Variants in TAOK1 observed in about 807,000 individuals in gnomAD.
TAOK1 encodes the protein TAO kinase 1.
A neutral mutation model predicts 138.3 loss-of-function variants in TAOK1; 21 were observed. That is an observed-to-expected ratio of 0.15 (90% CI 0.11 to 0.22). The LOEUF (loss-of-function observed/expected upper bound fraction) is 0.22, where lower values mean the gene tolerates loss of function less well. Among genes scored for constraint, TAOK1 ranks in the 10% least tolerant of loss-of-function variants. The pLI is 1.00. For missense variants in TAOK1, 651 were observed against 1,227.7 expected (o/e 0.53, Z 7.02); for synonymous variants, 361 against 398.4 (o/e 0.91, Z 1.12).
intron 17 of TAOK1, among the ~76,000 whole-genome samples, 171 bp from the exon 18 acceptor site, chr17:29,530,236 C>T (rs570254512): frequency 1.3e-5 from 2 of 152,262 alleles, no homozygotes; most frequent in East Asian, 1.9e-4. Flanking sequence ...ATTCAATCAG[C>T]AGTTTGGCCA....
At chr17:29,417,679 T>G (rs1480125613) in intron 1 of TAOK1, among the ~76,000 whole-genome samples, 3 of 152,204 alleles carry the variant, frequency 2.0e-5, no homozygotes, top group Non-Finnish European at 4.4e-5. Flanking sequence ...AGCCTTGCCT[T>G]CCTTGTATAT....
chr17:29,480,886 A>G (rs2031047427), intron 7 of TAOK1, among the ~76,000 whole-genome samples: 1 of 149,852 alleles, frequency 6.7e-6, no homozygotes, highest in Non-Finnish European at 1.5e-5. Flanking sequence ...AAAAAAAAAG[A>G]TTAAAATTTT....
chr17:29,460,641 C>T (rs764295345), intron 2 of TAOK1, among the ~76,000 whole-genome samples: 1 of 152,156 alleles, frequency 6.6e-6, no homozygotes, highest in African/African-American at 2.4e-5. Flanking sequence ...GGGCTTTATT[C>T]TGAAGTCTTC....
At chr17:29,453,079 C>T (rs960274697) in intron 2 of TAOK1, among the ~76,000 whole-genome samples, 1 of 151,418 alleles carries the variant, frequency 6.6e-6, no homozygotes, top group Non-Finnish European at 1.5e-5. Context: ...AGTCTTTGTT[C>T]TATGTCTATG....
chr17:29,529,432 A>G (rs913439330), intron 17 of TAOK1, among the ~76,000 whole-genome samples: 1 of 152,120 alleles, frequency 6.6e-6, no homozygotes, highest in African/African-American at 2.4e-5. Context: ...ACTAACAACA[A>G]CAACAAAAAT....
chr17:29,535,578 G>A (rs995315935), intron 19 of TAOK1, among the ~76,000 whole-genome samples: 1 of 152,066 alleles, frequency 6.6e-6, no homozygotes, highest in African/African-American at 2.4e-5. Context: ...TTTTAAACCA[G>A]GTGTTGTGGC....
chr17:29,398,873 T>C (rs955402576), intron 1 of TAOK1, among the ~76,000 whole-genome samples: 1 of 152,128 alleles, frequency 6.6e-6, no homozygotes, highest in African/African-American at 2.4e-5. Flanking sequence ...TTAAATAGGA[T>C]AATGCTTGCT....
chr17:29,462,114 C>G (rs567519427), intron 2 of TAOK1, among the ~76,000 whole-genome samples: 3 of 152,312 alleles, frequency 2.0e-5, no homozygotes, highest in African/African-American at 7.2e-5. Context: ...GAAGGACCCT[C>G]TGGTCAAATT....
intron 1 of TAOK1, among the ~76,000 whole-genome samples, chr17:29,433,988 C>T (rs1010367367): frequency 4.6e-5 from 7 of 152,094 alleles, no homozygotes; most frequent in South Asian, 2.1e-4. Context: ...GGTTGCATGA[C>T]CATTTGGAGT....
At chr17:29,502,474 T>C in intron 12 of TAOK1, 115 bp from the exon 13 acceptor site, 1 of 1,257,562 alleles carries the variant, frequency 8.0e-7, no homozygotes, top group Non-Finnish European at 1.1e-6. Context: ...GGCTTTGCTT[T>C]TTAAAATTAT....
At chr17:29,528,656 A>G (rs1392029609) in intron 17 of TAOK1, among the ~76,000 whole-genome samples, 3 of 151,874 alleles carry the variant, frequency 2.0e-5, no homozygotes, top group African/African-American at 7.3e-5. Flanking sequence ...CCTGGCTGAC[A>G]TGGTGAAACC....
At chr17:29,486,244 G>A (rs1010442351) in intron 8 of TAOK1, among the ~76,000 whole-genome samples, 8 of 152,118 alleles carry the variant, frequency 5.3e-5, no homozygotes, top group African/African-American at 9.7e-5. Flanking sequence ...AGCTAAGATC[G>A]CGCCACTGCA....
chr17:29,435,220 T>A (rs1454471424), intron 1 of TAOK1, among the ~76,000 whole-genome samples: 2 of 152,176 alleles, frequency 1.3e-5, no homozygotes, highest in Non-Finnish European at 2.9e-5. Context: ...GCTGGTTAGT[T>A]CACAGGAACA....
rs199560489 is a variant in TAOK1 at position 29,507,907 on chromosome 17, A to G, written c.1350A>G (p.Gln450=). Reference sequence around the variant, plus strand: ...ATTTGTATGTCTAGGTTACGAGGCAAATGCAAGAACATGAGCAGGACTCTG... The same window carrying G: ...ATTTGTATGTCTAGGTTACGAGGCAGATGCAAGAACATGAGCAGGACTCTG... ...TIRTASLVTR[Q]MQEHEQDSEL... is the part of the protein sequence containing the mutation. The change falls in exon 14 of 20, where the codon CAA becomes CAG. Residue 450 remains glutamine, a synonymous_variant. Coordinates refer to ENST00000261716, the MANE Select transcript of TAOK1 (RefSeq NM_020791.4). 9.9e-6 allele frequency: 16 copies of G among 1,613,422 alleles called. No homozygotes were observed. The highest frequency in any genetic ancestry group is 1.7e-4 in the Middle Eastern group (1 of 6,058).
chr17:29,443,645 G>A (rs1194624165), intron 1 of TAOK1, among the ~76,000 whole-genome samples: 1 of 152,076 alleles, frequency 6.6e-6, no homozygotes, highest in Non-Finnish European at 1.5e-5. Flanking sequence ...GTGATTGTTA[G>A]TTTCTTTTTA....
At chr17:29,444,234 A>G (rs1291469102) in intron 1 of TAOK1, among the ~76,000 whole-genome samples, 1 of 152,190 alleles carries the variant, frequency 6.6e-6, no homozygotes, top group Non-Finnish European at 1.5e-5. Flanking sequence ...ATTGCTGTGA[A>G]AGCTCCTTGC....
chr17:29,405,622 T>C (rs1048737039), intron 1 of TAOK1, among the ~76,000 whole-genome samples: 3 of 151,844 alleles, frequency 2.0e-5, no homozygotes, highest in African/African-American at 7.3e-5. Context: ...CTACTAAAAA[T>C]GCAAAAATTA....
intron 18 of TAOK1, among the ~76,000 whole-genome samples, chr17:29,532,181 A>G (rs575558562): frequency 6.6e-6 from 1 of 152,232 alleles, no homozygotes; most frequent in East Asian, 1.9e-4. Flanking sequence ...TTTCAAAATG[A>G]AAACACCACT....
intron 1 of TAOK1, among the ~76,000 whole-genome samples, chr17:29,442,463 A>C (rs1159828270): frequency 6.8e-6 from 1 of 148,018 alleles, no homozygotes. Flanking sequence ...TTTAGTGGCC[A>C]TTTGTAACCT....
Sources: gnomAD v4.1 joint callset for allele counts (sites outside exome capture counted in the v4.1 genomes callset) on GRCh38, gnomAD v4.1.1 for gene constraint, MANE v1.5 for transcripts, NCBI Gene and HGNC (gene_info 2026-07-23, HGNC 2026-07-21) for gene names.